SOX5: variants seen among roughly 807,000 people sequenced by gnomAD.
SOX5 encodes the protein SRY-box transcription factor 5, also known as transcription factor SOX-5.
A neutral mutation model predicts 92.0 loss-of-function variants in SOX5; 9 were observed. That is an observed-to-expected ratio of 0.10 (90% CI 0.06 to 0.17). The LOEUF (loss-of-function observed/expected upper bound fraction) is 0.17. SOX5 is among the 10% of genes least tolerant of loss of function. SOX5 has a pLI of 1.00. For missense variants in SOX5, 642 were observed against 944.5 expected (o/e 0.68, Z 4.20); for synonymous variants, 344 against 336.3 (o/e 1.02, Z -0.25).
chr12:23,660,070 T>C (rs2139288375), intron 7 of SOX5, among the ~76,000 whole-genome samples: 1 of 152,354 alleles, frequency 6.6e-6, no homozygotes. Context: ...ACTTTGCTGC[T>C]TTTCTGTAAA....
At chr12:23,723,481 C>T (rs2092934920) in intron 6 of SOX5, among the ~76,000 whole-genome samples, 1 of 151,374 alleles carries the variant, frequency 6.6e-6, no homozygotes, top group African/African-American at 2.4e-5. Context: ...TGTAGGTATT[C>T]GCCAAGCCAT....
chr12:24,481,073 C>T (rs1364232534), intron 1 of SOX5, among the ~76,000 whole-genome samples: 1 of 152,042 alleles, frequency 6.6e-6, no homozygotes, highest in Non-Finnish European at 1.5e-5. Context: ...TATATTCAGC[C>T]ATGAAAAAGA....
intron 6 of SOX5, among the ~76,000 whole-genome samples, chr12:23,702,781 C>T (rs1026463376): frequency 7.3e-5 from 11 of 151,624 alleles, no homozygotes; most frequent in African/African-American, 2.7e-4. Context: ...TGCACGTACA[C>T]ATGCATGTAT....
At chr12:24,331,639 G>C (rs1338684115) in intron 2 of SOX5, among the ~76,000 whole-genome samples, 1 of 151,916 alleles carries the variant, frequency 6.6e-6, no homozygotes. Flanking sequence ...CACGAGGTCA[G>C]GAAATCGAGA....
intron 1 of SOX5, among the ~76,000 whole-genome samples, chr12:24,381,178 T>C (rs1488153288): frequency 6.6e-6 from 1 of 152,222 alleles, no homozygotes; most frequent in Non-Finnish European, 1.5e-5. Flanking sequence ...GATCAAGTTG[T>C]GGCTTTACTC....
chr12:23,964,355 T>C (rs554344037), intron 4 of SOX5, among the ~76,000 whole-genome samples: 10 of 152,304 alleles, frequency 6.6e-5, no homozygotes, highest in African/African-American at 1.9e-4. Context: ...ACGTATTCCT[T>C]AGAAAAAGCT....
intron 3 of SOX5, among the ~76,000 whole-genome samples, chr12:23,760,173 T>C (rs1455855865): frequency 6.6e-6 from 1 of 152,102 alleles, no homozygotes; most frequent in African/African-American, 2.4e-5. Flanking sequence ...TTGCATAGCA[T>C]TTCCATTTAC....
intron 1 of SOX5, among the ~76,000 whole-genome samples, chr12:24,528,195 G>A (rs1950878264): frequency 6.6e-6 from 1 of 152,224 alleles, no homozygotes; most frequent in Admixed American, 6.5e-5. Flanking sequence ...ACATGACTAA[G>A]ATTCTCCTCT....
chr12:23,993,074 T>C (rs1414182268), intron 4 of SOX5, among the ~76,000 whole-genome samples: 1 of 152,186 alleles, frequency 6.6e-6, no homozygotes, highest in East Asian at 1.9e-4. Context: ...TACTTCATCC[T>C]TGTACCAGAT....
intron 2 of SOX5, among the ~76,000 whole-genome samples, chr12:24,346,692 C>A (rs1021071468): frequency 6.6e-6 from 1 of 152,068 alleles, no homozygotes; most frequent in Non-Finnish European, 1.5e-5. Context: ...ACCTTGTGAT[C>A]CACCCGCCTT....
chr12:23,584,711 T>C (rs371561330), intron 9 of SOX5: 45 of 729,858 alleles, frequency 6.2e-5, no homozygotes, highest in African/African-American at 4.2e-4. Context: ...GCACAGAACC[T>C]TGGAGAAGGA....
chr12:23,897,635 C>T (rs1474388045), intron 1 of SOX5, among the ~76,000 whole-genome samples: 2 of 152,172 alleles, frequency 1.3e-5, no homozygotes, highest in East Asian at 3.9e-4. Context: ...AAAACAAAAA[C>T]ACTCAAACAT....
intron 2 of SOX5, among the ~76,000 whole-genome samples, chr12:24,304,586 T>A (rs1346455711): frequency 6.6e-6 from 1 of 152,124 alleles, no homozygotes; most frequent in East Asian, 1.9e-4. Context: ...AGCACTGGTG[T>A]TTTGCAGACC....
intron 4 of SOX5, among the ~76,000 whole-genome samples, chr12:24,204,965 C>T (rs1361457502): frequency 6.6e-6 from 1 of 152,042 alleles, no homozygotes; most frequent in Non-Finnish European, 1.5e-5. Flanking sequence ...ACAGAAAAAA[C>T]AAGGAGCTGG....
chr12:24,047,937 C>T (rs572972227), intron 4 of SOX5, among the ~76,000 whole-genome samples: 1 of 152,134 alleles, frequency 6.6e-6, no homozygotes, highest in Non-Finnish European at 1.5e-5. Flanking sequence ...GAAGAGTAAA[C>T]GTTAACAAGT....
intron 9 of SOX5, chr12:23,604,014 C>G (rs1307773795): frequency 1.2e-5 from 2 of 165,354 alleles, no homozygotes; most frequent in Admixed American, 5.8e-5. Flanking sequence ...AATATAACTT[C>G]CAATGTACTT....
chr12:24,164,013 G>C (rs1474490468), intron 4 of SOX5, among the ~76,000 whole-genome samples: 1 of 152,032 alleles, frequency 6.6e-6, no homozygotes, highest in Non-Finnish European at 1.5e-5. Flanking sequence ...TATGATACAG[G>C]ATACTTCAGT....
rs568302435 is a variant in SOX5, at chr12:23,680,859, T to C, written c.811-15295A>G. Among the ~76,000 whole-genome samples the C allele has an allele frequency of 4.6e-5, 7 of 152,052 alleles. No homozygotes were observed. The South Asian group carries it at 1.5e-3, about 32-fold the overall frequency. On this transcript the variant is annotated intron_variant, in intron 6 of 14. Coordinates refer to ENST00000451604, the MANE Select transcript of SOX5 (RefSeq NM_006940.6). Reference sequence around the variant, plus strand: ...AAAAAATAAACTGACAAAAATATGTTTCCAGTAAACACTTTCAAGAATAAA... The same window carrying C: ...AAAAAATAAACTGACAAAAATATGTCTCCAGTAAACACTTTCAAGAATAAA...
At chr12:23,595,536 G>A (rs982371450) in intron 9 of SOX5, among the ~76,000 whole-genome samples, 2 of 148,144 alleles carry the variant, frequency 1.4e-5, no homozygotes, top group Non-Finnish European at 3.0e-5. Flanking sequence ...GGAGAATGGT[G>A]TGAACCCGGG....
Sources: gnomAD v4.1 joint callset for allele counts (sites outside exome capture counted in the v4.1 genomes callset) on GRCh38, gnomAD v4.1.1 for gene constraint, MANE v1.5 for transcripts, NCBI Gene and HGNC (gene_info 2026-07-23, HGNC 2026-07-21) for gene names.